The following PABPC4L variants were observed in gnomAD, a reference collection of about 807,000 sequenced individuals.
PABPC4L encodes the protein poly(A) binding protein cytoplasmic 4 like.
For synonymous variants in PABPC4L, 169 were observed against 164.1 expected (o/e 1.03, Z -0.23); for missense variants, 452 against 451.4 (o/e 1.00, Z -0.01).
At chr4:134,187,752 T>C in the PABPC4L span, among the ~76,000 whole-genome samples, 2 of 152,224 alleles carry the variant, frequency 1.3e-5, no homozygotes, top group African/African-American at 4.8e-5. Context: ...TCTTTCTTTT[T>C]ATTAGTGCTA....
Position 134,196,358 on chromosome 4 carries a change from A to G in PABPC4L, c.*3549T>C, listed in dbSNP as rs1443657389. On this transcript the variant is annotated 3_prime_UTR_variant, in exon 2 of 2. Coordinates refer to ENST00000421491, the MANE Select transcript of PABPC4L (RefSeq NM_001114734.2). ...TTTCACCTTTGAAATATTAGATTTT[A>G]TTTGACATTTTCTCAGTGGATCTAT... The G allele has an allele frequency of 6.6e-6, 1 of 151,758 alleles. No individual in the cohort carries two copies. Among genetic ancestry groups the G allele is most frequent in the Non-Finnish European group, 1.5e-5 (1 of 67,678 alleles). 9.4% of individuals were successfully genotyped at this position (151,758 alleles called of 1,614,324 possible).
At chr4:133,964,086 C>T in the PABPC4L span, among the ~76,000 whole-genome samples, 2 of 151,728 alleles carry the variant, frequency 1.3e-5, no homozygotes, top group African/African-American at 4.8e-5. Context: ...CAAGATTAAC[C>T]AAGAAAGAAG....
the PABPC4L span, among the ~76,000 whole-genome samples, chr4:134,131,391 A>G: frequency 6.6e-6 from 1 of 152,016 alleles, no homozygotes; most frequent in Non-Finnish European, 1.5e-5. Flanking sequence ...GCCCTACTAT[A>G]AAGCAACAGC....
At chr4:134,120,260 GTTT>G in the PABPC4L span, among the ~76,000 whole-genome samples, 7 of 138,488 alleles carry the variant, frequency 5.1e-5, no homozygotes, top group East Asian at 8.3e-4. Flanking sequence ...TTGTTCTTTG[GTTT>G]TTTTTTTTTT....
At chr4:134,088,508 T>C in the PABPC4L span, among the ~76,000 whole-genome samples, 50 of 152,158 alleles carry the variant, frequency 3.3e-4, no homozygotes, top group Non-Finnish European at 7.2e-4. Context: ...AATTCATGTG[T>C]TGAAACTTAA....
chr4:134,196,671 C>G lies in PABPC4L; in HGVS notation c.*3236G>C, dbSNP rs1271014920. On this transcript the variant is annotated 3_prime_UTR_variant, in exon 2 of 2. Coordinates refer to ENST00000421491, the MANE Select transcript of PABPC4L (RefSeq NM_001114734.2). ...ACTTATTTATTAAGGCACTTGGGCA[C>G]AAAAGATTTAATATTCTTTAATGAA... is the stretch of plus-strand genomic sequence containing the variant. The G allele has an allele frequency of 6.6e-6, 1 of 151,258 alleles. No homozygotes were observed. Among genetic ancestry groups the G allele is most frequent in the African/African-American group, 2.4e-5 (1 of 41,276 alleles). 9.4% of individuals were successfully genotyped at this position (151,258 alleles called of 1,614,324 possible). A position where few individuals can be genotyped will look rare whatever the true frequency, so the allele number is the denominator to read the frequency against.
chr4:134,194,605 C>T (rs1410289757), downstream of PABPC4L, among the ~76,000 whole-genome samples: 1 of 151,704 alleles, frequency 6.6e-6, no homozygotes, highest in Non-Finnish European at 1.5e-5. Flanking sequence ...CTACCTATAC[C>T]TATAATATCT....
At chr4:134,019,317 CA>C in the PABPC4L span, among the ~76,000 whole-genome samples, 8 of 152,088 alleles carry the variant, frequency 5.3e-5, no homozygotes, top group Non-Finnish European at 1.2e-4. Flanking sequence ...TACATAAACA[CA>C]TGAATAACTG....
chr4:133,988,477 G>T, the PABPC4L span, among the ~76,000 whole-genome samples: 2 of 152,168 alleles, frequency 1.3e-5, no homozygotes, highest in Non-Finnish European at 2.9e-5. Context: ...ATCTAATAGG[G>T]TAGTCATTAA....
chr4:134,192,130 G>T (rs1198266035), downstream of PABPC4L, among the ~76,000 whole-genome samples: 1 of 151,990 alleles, frequency 6.6e-6, no homozygotes, highest in Non-Finnish European at 1.5e-5. Context: ...TGTCCATCAA[G>T]TGATATATGA....
At chr4:133,999,457 G>T in the PABPC4L span, among the ~76,000 whole-genome samples, 1 of 151,796 alleles carries the variant, frequency 6.6e-6, no homozygotes, top group South Asian at 2.1e-4. Context: ...TGGTCTTGTT[G>T]GTTTTATAAT....
chr4:134,030,484 C>T, the PABPC4L span, among the ~76,000 whole-genome samples: 1 of 151,982 alleles, frequency 6.6e-6, no homozygotes, highest in African/African-American at 2.4e-5. Flanking sequence ...CAGAAGAAAT[C>T]ACATATCAAT....
the PABPC4L span, among the ~76,000 whole-genome samples, chr4:134,097,895 G>C: frequency 6.6e-6 from 1 of 151,716 alleles, no homozygotes; most frequent in Non-Finnish European, 1.5e-5. Flanking sequence ...AACTTGTTTG[G>C]ACTTACTCCT....
At chr4:134,168,350 C>T in the PABPC4L span, among the ~76,000 whole-genome samples, 714 of 151,822 alleles carry the variant, frequency 4.7e-3, 2 homozygotes, top group Non-Finnish European at 6.7e-3. Context: ...ACTAATGATG[C>T]ATCTTAAAGA....
At chr4:133,990,052 G>A in the PABPC4L span, among the ~76,000 whole-genome samples, 1 of 151,998 alleles carries the variant, frequency 6.6e-6, no homozygotes, top group African/African-American at 2.4e-5. Flanking sequence ...CTCCCACCAG[G>A]TCTCTCTCAC....
the PABPC4L span, among the ~76,000 whole-genome samples, chr4:134,169,000 T>C: frequency 1.3e-5 from 2 of 152,160 alleles, no homozygotes; most frequent in Middle Eastern, 3.4e-3. Context: ...AGCAACAAAC[T>C]GTTGTTGGTT....
At chr4:133,990,252 T>A in the PABPC4L span, among the ~76,000 whole-genome samples, 1 of 152,208 alleles carries the variant, frequency 6.6e-6, no homozygotes, top group African/African-American at 2.4e-5. Context: ...ATGTGCTGAC[T>A]TCATGTCTCT....
the PABPC4L span, among the ~76,000 whole-genome samples, chr4:134,097,618 A>G: frequency 6.6e-6 from 1 of 151,992 alleles, no homozygotes; most frequent in East Asian, 1.9e-4. Context: ...GGTCACAACA[A>G]CATTTTGTTC....
the PABPC4L span, among the ~76,000 whole-genome samples, chr4:134,145,475 A>G: frequency 6.6e-6 from 1 of 151,854 alleles, no homozygotes; most frequent in African/African-American, 2.4e-5. Context: ...ATCTAGAACT[A>G]TTGCTTAGTT....
Sources: gnomAD v4.1 joint callset for allele counts (sites outside exome capture counted in the v4.1 genomes callset) on GRCh38, gnomAD v4.1.1 for gene constraint, MANE v1.5 for transcripts, NCBI Gene and HGNC (gene_info 2026-07-23, HGNC 2026-07-21) for gene names.